SGCZ: variants seen among roughly 807,000 people sequenced by gnomAD.
SGCZ encodes the protein sarcoglycan zeta.
A neutral mutation model predicts 41.3 loss-of-function variants in SGCZ; 40 were observed. The ratio of observed to expected loss-of-function variants is 0.97; its 90% CI spans 0.75 to 1.26. SGCZ has a LOEUF of 1.26. SGCZ is among the 50% of genes most tolerant of loss of function. The pLI, the probability that SGCZ is intolerant of heterozygous loss-of-function variation, is 0.00. For synonymous variants in SGCZ, 206 were observed against 137.5 expected, an observed-to-expected ratio of 1.50 and a Z score of -3.49; for missense variants, 552 against 369.8, an observed-to-expected ratio of 1.49 and a Z score of -4.04.
At chr8:14,955,126 C>A (rs557124200) in intron 1 of SGCZ, among the ~76,000 whole-genome samples, 1 of 151,744 alleles carries the variant, frequency 6.6e-6, no homozygotes, top group Non-Finnish European at 1.5e-5. Flanking sequence ...CTTTATTTTC[C>A]TTGTAGTTTT....
At chr8:14,179,517 T>A (rs1001798784) in intron 4 of SGCZ, among the ~76,000 whole-genome samples, 4 of 152,126 alleles carry the variant, frequency 2.6e-5, no homozygotes, top group Admixed American at 2.0e-4. Flanking sequence ...CTGTCTAGAC[T>A]CTCTTTGCCC....
At chr8:15,084,538 G>T (rs1341673534) in intron 1 of SGCZ, among the ~76,000 whole-genome samples, 1 of 152,132 alleles carries the variant, frequency 6.6e-6, no homozygotes, top group Non-Finnish European at 1.5e-5. Flanking sequence ...ATAACCTGAG[G>T]TCAAGAGTTC....
intron 1 of SGCZ, among the ~76,000 whole-genome samples, chr8:15,211,467 T>A (rs191871687): frequency 6.6e-6 from 1 of 152,244 alleles, no homozygotes; most frequent in African/African-American, 2.4e-5. Flanking sequence ...CTTCATTATC[T>A]ACCCAACCAA....
At chr8:15,079,026 C>T (rs1805646355) in intron 1 of SGCZ, among the ~76,000 whole-genome samples, 1 of 152,096 alleles carries the variant, frequency 6.6e-6, no homozygotes, top group Non-Finnish European at 1.5e-5. Flanking sequence ...TGAGCCTTGG[C>T]TTTATAGATC....
At chr8:14,137,421 A>G (rs1469131950) in intron 5 of SGCZ, among the ~76,000 whole-genome samples, 1 of 152,158 alleles carries the variant, frequency 6.6e-6, no homozygotes. Context: ...CAAAGAAGCT[A>G]AAAACCTTGA....
At chr8:14,454,198 T>C (rs562823464) in intron 2 of SGCZ, among the ~76,000 whole-genome samples, 7 of 152,170 alleles carry the variant, frequency 4.6e-5, no homozygotes, top group Non-Finnish European at 7.4e-5. Context: ...ATTTCTAATA[T>C]GTAGGTTAAG....
At chr8:14,204,957 T>C (rs1585229702) in intron 4 of SGCZ, among the ~76,000 whole-genome samples, 1 of 152,142 alleles carries the variant, frequency 6.6e-6, no homozygotes, top group East Asian at 1.9e-4. Flanking sequence ...GATCCCATAA[T>C]GGGACTTCTC....
intron 1 of SGCZ, among the ~76,000 whole-genome samples, chr8:14,750,146 T>A (rs1407859403): frequency 6.6e-6 from 1 of 152,136 alleles, no homozygotes; most frequent in Non-Finnish European, 1.5e-5. Flanking sequence ...GCCTTTTGAA[T>A]TAAGGTTAAA....
intron 1 of SGCZ, among the ~76,000 whole-genome samples, chr8:15,063,302 C>T (rs544277506): frequency 6.6e-6 from 1 of 152,152 alleles, no homozygotes; most frequent in South Asian, 2.1e-4. Flanking sequence ...TGGTCCCCAT[C>T]CAGGAATGTG....
At chr8:14,713,230 T>A (rs1210184464) in intron 1 of SGCZ, among the ~76,000 whole-genome samples, 1 of 152,222 alleles carries the variant, frequency 6.6e-6, no homozygotes, top group Admixed American at 6.5e-5. Flanking sequence ...ATTAAATGCA[T>A]GTCCAAGCGT....
intron 2 of SGCZ, among the ~76,000 whole-genome samples, chr8:14,467,655 G>A (rs1801090494): frequency 6.6e-6 from 1 of 152,012 alleles, no homozygotes; most frequent in Non-Finnish European, 1.5e-5. Flanking sequence ...TTCCAAAGTA[G>A]TAACAGATTC....
chr8:14,905,638 G>C lies in SGCZ; in HGVS notation c.39+331947C>G, dbSNP rs191811994. 5.3e-5 allele frequency among the ~76,000 whole-genome samples: 8 copies of C among 152,110 alleles called. No homozygotes were observed. In the East Asian group the frequency reaches 1.2e-3, roughly 22 times the overall value. On this transcript the variant is annotated intron_variant, in intron 1 of 7. Coordinates refer to ENST00000382080, the MANE Select transcript of SGCZ (RefSeq NM_139167.4). The stretch of plus-strand genomic sequence containing the variant: ...TTATTCTATGATTAAATTAATTACA[G>C]TGTTTATCATAGTGTCAAATAGTTG...
At chr8:14,352,428 G>C (rs1803133747) in intron 2 of SGCZ, among the ~76,000 whole-genome samples, 1 of 152,042 alleles carries the variant, frequency 6.6e-6, no homozygotes, top group South Asian at 2.1e-4. Context: ...GAAGAAATAA[G>C]TTTGTGTAGT....
intron 2 of SGCZ, among the ~76,000 whole-genome samples, chr8:14,381,504 G>T (rs866201777): frequency 1.3e-5 from 2 of 152,000 alleles, no homozygotes; most frequent in Non-Finnish European, 1.5e-5. Context: ...GCCAGGCACG[G>T]TGACTCATGC....
intron 2 of SGCZ, among the ~76,000 whole-genome samples, chr8:14,479,974 A>T (rs1204676741): frequency 6.6e-6 from 1 of 151,956 alleles, no homozygotes; most frequent in African/African-American, 2.4e-5. Context: ...CGAATTCCTG[A>T]CCTCAAGTGA....
At chr8:15,105,579 G>C (rs1251919056) in intron 1 of SGCZ, among the ~76,000 whole-genome samples, 1 of 152,054 alleles carries the variant, frequency 6.6e-6, no homozygotes, top group East Asian at 1.9e-4. Context: ...GAGAACAGGA[G>C]GTAGAAAGTC....
intron 2 of SGCZ, among the ~76,000 whole-genome samples, chr8:14,436,688 A>C (rs559192454): frequency 6.6e-6 from 1 of 152,340 alleles, no homozygotes; most frequent in East Asian, 1.9e-4. Context: ...TTCGCACTGC[A>C]GTAACAGTTA....
At position 14,087,901 on chromosome 8, in the gene SGCZ, A is replaced by G. The variant is rs1438642319; in HGVS notation, c.*2542T>C. Among the ~76,000 whole-genome samples the G allele has an allele frequency of 2.6e-5, 4 of 151,680 alleles. No homozygotes were observed. Among genetic ancestry groups the G allele is most frequent in the African/African-American group, 9.7e-5 (4 of 41,384 alleles). ...GGTGTTGAATAGGAAAGCCATCGCT[A>G]TCACTATATTTTCTACTGTACTGAA... On this transcript the variant is annotated 3_prime_UTR_variant, in exon 8 of 8. Transcript: ENST00000382080.
chr8:14,815,535 T>C (rs1801878044), intron 1 of SGCZ, among the ~76,000 whole-genome samples: 1 of 152,162 alleles, frequency 6.6e-6, no homozygotes, highest in South Asian at 2.1e-4. Context: ...TCACTATGAA[T>C]TCTTTAGACA....
Sources: allele counts gnomAD v4.1 joint callset (sites outside exome capture counted in the v4.1 genomes callset), GRCh38; gene constraint gnomAD v4.1.1; transcripts MANE v1.5; gene names NCBI Gene and HGNC (gene_info 2026-07-23, HGNC 2026-07-21).